HLTF: variants seen among roughly 807,000 people sequenced by gnomAD.
HLTF encodes helicase like transcription factor.
HLTF carries 127 observed loss-of-function variants against 129.4 expected under a neutral mutation model. That is an observed-to-expected ratio of 0.98 (90% CI 0.85 to 1.14). The LOEUF is 1.14. Ranked by LOEUF, HLTF falls within the 50% of genes most tolerant of loss-of-function variation. The pLI, the probability that HLTF is intolerant of heterozygous loss-of-function variation, is 0.00. For synonymous variants in HLTF, 332 were observed against 388.8 expected (o/e 0.85, Z 1.72); for missense variants, 1,139 against 1,187.1 (o/e 0.96, Z 0.60).
chr3:149,052,475 G>T (rs1268844654), intron 14 of HLTF, among the ~76,000 whole-genome samples: 1 of 152,072 alleles, frequency 6.6e-6, no homozygotes, highest in East Asian at 1.9e-4. Flanking sequence ...TTACAAGAAG[G>T]TTTAGAGATA....
At chr3:149,050,424 A>T in intron 14 of HLTF, 49 bp from the exon 15 acceptor site, 1 of 1,323,202 alleles carries the variant, frequency 7.6e-7, no homozygotes, top group Non-Finnish European at 1.0e-6. Context: ...TTTGTGTCAG[A>T]CTTAATAGAT....
rs1717878288 is a variant in HLTF, at chr3:149,060,837, G to A, written c.1182C>T (p.Tyr394=). 1 of 1,611,844 alleles carries A rather than the reference G, an allele frequency of 6.2e-7. No individual in the cohort carries two copies. The highest frequency in any genetic ancestry group is 1.3e-5 in the African/African-American group (1 of 74,948). The change falls in exon 11 of 25, where the codon TAC becomes TAT. Residue 394 remains tyrosine, a synonymous_variant. Transcript: ENST00000310053. ...TTTCCTCTGAATCACTGCTTTCTAT[G>A]TACTGGACAGCAGTTTTTCTTCTAA... ...RPKRRKTAVQ[Y]IESSDSEEIE...
At chr3:149,042,010 A>T in intron 19 of HLTF, 156 bp downstream of exon 19, 1 of 649,000 alleles carries the variant, frequency 1.5e-6, no homozygotes, top group Non-Finnish European at 2.7e-6. Context: ...TGGTAAAAAA[A>T]TTATTGGATG....
Position 149,059,608 on chromosome 3 carries a change from C to T in HLTF, c.1375+110G>A, listed in dbSNP as rs1717751603. 3.1e-6 allele frequency: 2 copies of T among 651,310 alleles called. 1 individual carries two copies. The highest frequency in any genetic ancestry group is 4.0e-5 in the South Asian group (2 of 50,460). The allele number at this position is 651,310 out of a possible 1,614,324, so 40.3% of individuals were successfully genotyped here. Reference sequence around the variant, plus strand: ...TGGGTTATATACTTTAAAAAATAGTCTCTATTTTCTAAACTTCTTGTAATA... The same window carrying T: ...TGGGTTATATACTTTAAAAAATAGTTTCTATTTTCTAAACTTCTTGTAATA... On this transcript the variant is annotated intron_variant, in intron 13 of 24. Transcript: ENST00000310053.
chr3:149,074,349 C>T lies in HLTF; in HGVS notation c.396-1G>A. The T allele has an allele frequency of 6.3e-7, 1 of 1,599,824 alleles. No individual in the cohort carries two copies. Among genetic ancestry groups the T allele is most frequent in the Non-Finnish European group, 8.5e-7 (1 of 1,175,008 alleles). On this transcript the variant is annotated splice_acceptor_variant, in intron 3 of 24. Transcript: ENST00000310053. LOFTEE classifies it high-confidence loss of function. The stretch of plus-strand genomic sequence containing the variant: ...ATTGTTTGCACCAAAAGGAACTACC[C>T]TATTATATTTGGGAGAAAAAGAAAG...
intron 12 of HLTF, 91 bp downstream of exon 12, chr3:149,060,552 T>C (rs1426981800): frequency 1.9e-6 from 2 of 1,033,752 alleles, no homozygotes; most frequent in Non-Finnish European, 2.9e-6. Flanking sequence ...GAGCTATTAC[T>C]AAAACATTCC....
chr3:149,044,909 A>C (rs971466496), intron 18 of HLTF, among the ~76,000 whole-genome samples: 1 of 152,110 alleles, frequency 6.6e-6, no homozygotes, highest in African/African-American at 2.4e-5. Flanking sequence ...TTTGACTGCC[A>C]CTGGTCTCCC....
intron 8 of HLTF, among the ~76,000 whole-genome samples, chr3:149,066,052 T>G (rs1718354318): frequency 6.6e-6 from 1 of 152,054 alleles, no homozygotes; most frequent in African/African-American, 2.4e-5. Flanking sequence ...TCATCTTCTT[T>G]TTTTTTTTTC....
chr3:149,068,748 A>T (rs889789485), intron 7 of HLTF, among the ~76,000 whole-genome samples: 1 of 152,228 alleles, frequency 6.6e-6, no homozygotes, highest in African/African-American at 2.4e-5. Flanking sequence ...AGATAATACC[A>T]AGCTTAAAAG....
chr3:149,064,162 T>C (rs547775250), intron 9 of HLTF, among the ~76,000 whole-genome samples: 1 of 152,222 alleles, frequency 6.6e-6, no homozygotes, highest in South Asian at 2.1e-4. Context: ...CTCATCTAGG[T>C]AGATGAGTTA....
intron 22 of HLTF, 21 bp from the exon 23 acceptor site, chr3:149,039,250 G>C: frequency 6.8e-7 from 1 of 1,477,576 alleles, no homozygotes; most frequent in Non-Finnish European, 9.0e-7. Flanking sequence ...GAAGAAAAGA[G>C]ACAAGTAACA....
chr3:149,067,770 T>C (rs1718520867), intron 8 of HLTF, among the ~76,000 whole-genome samples: 1 of 152,202 alleles, frequency 6.6e-6, no homozygotes, highest in Non-Finnish European at 1.5e-5. Flanking sequence ...GATAGTTTCT[T>C]AGAAATGGCA....
chr3:149,047,977 C>G, intron 17 of HLTF, 51 bp downstream of exon 17: 1 of 1,464,504 alleles, frequency 6.8e-7, no homozygotes, highest in African/African-American at 1.4e-5. Flanking sequence ...CTGGTTCAAG[C>G]TACTAACAGT....
chr3:149,050,452 C>A, intron 14 of HLTF, 77 bp from the exon 15 acceptor site: 1 of 939,178 alleles, frequency 1.1e-6, no homozygotes, highest in South Asian at 2.2e-5. Flanking sequence ...AAAGTAACTG[C>A]CCTGGCAGTA....
At chr3:149,051,523 C>T (rs1477339382) in intron 14 of HLTF, among the ~76,000 whole-genome samples, 1 of 152,164 alleles carries the variant, frequency 6.6e-6, no homozygotes, top group Non-Finnish European at 1.5e-5. Flanking sequence ...AAGGAGAAGA[C>T]TTGTTTTTAT....
At chr3:149,082,314 C>T (rs1218054162) in intron 2 of HLTF, among the ~76,000 whole-genome samples, 2 of 152,114 alleles carry the variant, frequency 1.3e-5, no homozygotes, top group East Asian at 1.9e-4. Flanking sequence ...AAAAAATTAG[C>T]CGGGCATGGT....
At position 149,069,696 on chromosome 3, in the gene HLTF, T is replaced by C. The variant is rs113966612; in HGVS notation, c.895-1361A>G. Among the ~76,000 whole-genome samples, 50 of 152,278 alleles carry C rather than the reference T, an allele frequency of 3.3e-4. 1 individual carries two copies. Among genetic ancestry groups the C allele is most frequent in the African/African-American group, 1.0e-3 (43 of 41,564 alleles). On this transcript the variant is annotated intron_variant, in intron 7 of 24. Transcript: ENST00000310053. Reference sequence around the variant, plus strand: ...TAGTCACTTTTTTCATGCGACACCATTTTTACTTGAATGACAACTATCAAT... The same window carrying C: ...TAGTCACTTTTTTCATGCGACACCACTTTTACTTGAATGACAACTATCAAT...
Position 149,050,284 on chromosome 3 carries a change from G to GA in HLTF, c.1564dup (p.Ser522PhefsTer11), listed in dbSNP as rs1239433046. On this transcript the variant is annotated frameshift_variant, in exon 15 of 25. Coordinates refer to ENST00000310053, the MANE Select transcript of HLTF (RefSeq NM_003071.4). LOFTEE classifies it high-confidence loss of function. ...CGTAGTCAAAACAATATCCTGTTTT[G>GA]AAAGTAAGGCCGGTTCTCTAATACG... 6.2e-7 allele frequency: 1 copy of GA among 1,601,246 alleles called. No individual in the cohort carries two copies. Among genetic ancestry groups the GA allele is most frequent in the Non-Finnish European group, 8.6e-7 (1 of 1,169,548 alleles).
At chr3:149,075,296 C>A (rs185912834) in intron 3 of HLTF, among the ~76,000 whole-genome samples, 4 of 152,184 alleles carry the variant, frequency 2.6e-5, no homozygotes, top group Non-Finnish European at 5.9e-5. Flanking sequence ...CGCCTGTAAT[C>A]CCAGCATTTT....
Sources: allele counts gnomAD v4.1 joint callset (sites outside exome capture counted in the v4.1 genomes callset), GRCh38; gene constraint gnomAD v4.1.1; transcripts MANE v1.5; gene names NCBI Gene and HGNC (gene_info 2026-07-23, HGNC 2026-07-21).